RNF11: variants seen among roughly 807,000 people sequenced by gnomAD.
RNF11 encodes the protein ring finger protein 11.
In RNF11, 4 loss-of-function variants were observed where a neutral mutation model predicts 15.8. The ratio of observed to expected loss-of-function variants is 0.25; its 90% confidence interval spans 0.12 to 0.58. The LOEUF (loss-of-function observed/expected upper bound fraction) is 0.58. Ranked by LOEUF, RNF11 falls within the 20% of genes least tolerant of loss-of-function variation. The probability of loss-of-function intolerance (pLI) is 0.91; values close to 1 mark genes in which losing one functional copy is unlikely to be tolerated. For missense variants in RNF11, 139 were observed against 194.4 expected (o/e 0.71, Z 1.70); for synonymous variants, 68 against 72.3 (o/e 0.94, Z 0.30).
chr1:51,241,744 C>G (rs139410520), intron 1 of RNF11, among the ~76,000 whole-genome samples: 1 of 152,262 alleles, frequency 6.6e-6, no homozygotes, highest in African/African-American at 2.4e-5. Flanking sequence ...CAGAGGAAAT[C>G]TGCCCAGCGA....
intron 1 of RNF11, among the ~76,000 whole-genome samples, chr1:51,260,731 C>G (rs1646927324): frequency 1.3e-5 from 2 of 151,922 alleles, no homozygotes; most frequent in South Asian, 4.1e-4. Flanking sequence ...TGTGTCTGCC[C>G]TTAAACTACC....
At chr1:51,249,043 T>C (rs1044219230) in intron 1 of RNF11, among the ~76,000 whole-genome samples, 1 of 152,210 alleles carries the variant, frequency 6.6e-6, no homozygotes, top group Non-Finnish European at 1.5e-5. Context: ...TGTGCAAATA[T>C]GCCATTTTAT....
intron 1 of RNF11, among the ~76,000 whole-genome samples, chr1:51,241,452 G>C (rs1646829193): frequency 6.6e-6 from 1 of 152,146 alleles, no homozygotes; most frequent in Non-Finnish European, 1.5e-5. Flanking sequence ...TTGTAGATCA[G>C]TTTTAAGGAA....
chr1:51,255,955 G>T (rs964979532), intron 1 of RNF11, among the ~76,000 whole-genome samples: 2 of 151,994 alleles, frequency 1.3e-5, no homozygotes, highest in African/African-American at 4.8e-5. Context: ...TTAGTCCCTT[G>T]TATTTCCATG....
In RNF11 at chr1:51,272,638, T is replaced by C. The variant is rs1452265268; in HGVS notation, c.*1316T>C. 1 of 152,306 alleles carries C rather than the reference T, an allele frequency of 6.6e-6. No individual in the cohort carries two copies. The highest frequency in any genetic ancestry group is 1.5e-5 in the Non-Finnish European group (1 of 68,000). 9.4% of individuals were successfully genotyped at this position (152,306 alleles called of 1,614,324 possible). A position where few individuals can be genotyped will look rare whatever the true frequency, so the allele number is the denominator to read the frequency against. On this transcript the variant is annotated 3_prime_UTR_variant, in exon 3 of 3. Coordinates refer to ENST00000242719, the MANE Select transcript of RNF11 (RefSeq NM_014372.5). The stretch of plus-strand genomic sequence containing the variant: ...TGGTCTAGTAAAGATGTAGTAGTAA[T>C]GTTTTATCCATTTAGCATGTGTTTA...
intron 1 of RNF11, among the ~76,000 whole-genome samples, chr1:51,249,543 C>G (rs1646867571): frequency 6.6e-6 from 1 of 152,196 alleles, no homozygotes; most frequent in African/African-American, 2.4e-5. Context: ...CTTATGACCT[C>G]CTATCACCCA....
intron 2 of RNF11, 30 bp from the exon 3 acceptor site, chr1:51,271,121 C>T (rs1247618848): frequency 4.4e-6 from 7 of 1,594,584 alleles, no homozygotes; most frequent in Non-Finnish European, 6.0e-6. Context: ...CTGAAAATGC[C>T]TTCTGATTTC....
At position 51,270,122 on chromosome 1, in the gene RNF11, G is replaced by C; in HGVS notation, c.290G>C (p.Arg97Pro). 6.3e-7 allele frequency: 1 copy of C among 1,586,880 alleles called. No individual in the cohort carries two copies. The highest frequency in any genetic ancestry group is 8.5e-7 in the Non-Finnish European group (1 of 1,171,996). The change falls in exon 2 of 3, where the codon CGG becomes CCG. Residue 97 changes from arginine (R) to proline (P), a missense_variant. Arg to Pro is a moderately radical substitution (Grantham distance 103, BLOSUM62 -2). Coordinates refer to ENST00000242719, the MANE Select transcript of RNF11 (RefSeq NM_014372.5). ...PGRDGSEKKI[R>P]ECVICMMDFV... ...AGAGATGGATCAGAAAAAAAGATCC[G>C]GGAGTAAGTTTTAATTAATTTGTAC...
Position 51,251,008 on chromosome 1 carries a change from C to T in RNF11, c.123+14129C>T, listed in dbSNP as rs571908552. On this transcript the variant is annotated intron_variant, in intron 1 of 2. Coordinates refer to ENST00000242719, the MANE Select transcript of RNF11 (RefSeq NM_014372.5). ...CGCACGGGGACAATGGAGAGCTTGG[C>T]CAGGATGATGGCCCCATGGATGGCG... The T allele has an allele frequency of 2.5e-4, 359 of 1,435,570 alleles. No individual in the cohort carries two copies. The African/African-American group carries it at 4.4e-3, about 17-fold the overall frequency. The allele number at this position is 1,435,570 out of a possible 1,614,324, so 88.9% of individuals were successfully genotyped here.
At chr1:51,249,019 G>C (rs769635469) in intron 1 of RNF11, among the ~76,000 whole-genome samples, 1 of 152,168 alleles carries the variant, frequency 6.6e-6, no homozygotes, top group Non-Finnish European at 1.5e-5. Context: ...GTATATGGGA[G>C]GGTGTACAGG....
chr1:51,257,614 T>C (rs1446087821), intron 1 of RNF11, among the ~76,000 whole-genome samples: 7 of 151,916 alleles, frequency 4.6e-5, no homozygotes, highest in Non-Finnish European at 1.5e-5. Context: ...TACACCACCA[T>C]GCCCGACTAA....
intron 1 of RNF11, among the ~76,000 whole-genome samples, chr1:51,254,468 AT>A (rs1376013431): frequency 1.3e-5 from 2 of 150,334 alleles, no homozygotes. Context: ...TGTATTTTTA[AT>A]TTTTTTTTGA....
At chr1:51,269,903 C>T in intron 1 of RNF11, 53 bp from the exon 2 acceptor site, 2 of 1,502,246 alleles carry the variant, frequency 1.3e-6, no homozygotes, top group South Asian at 1.2e-5. Flanking sequence ...AAAAATAAGC[C>T]CTCGAAAGGT....
chr1:51,271,960 A>G lies in RNF11; in HGVS notation c.*638A>G, dbSNP rs1329973261. On this transcript the variant is annotated 3_prime_UTR_variant, in exon 3 of 3. Coordinates refer to ENST00000242719, the MANE Select transcript of RNF11 (RefSeq NM_014372.5). ...GCTATATTCTGTTTGCAGTTAGGAA[A>G]TGCAGAATTCAAAGTGATCTCCTAG... 1.3e-5 allele frequency: 2 copies of G among 152,638 alleles called. No homozygotes were observed. The highest frequency in any genetic ancestry group is 2.9e-5 in the Non-Finnish European group (2 of 68,042). 9.5% of individuals were successfully genotyped at this position (152,638 alleles called of 1,614,324 possible). A position where few individuals can be genotyped will look rare whatever the true frequency, so the allele number is the denominator to read the frequency against.
At chr1:51,250,056 C>T (rs556975122) in intron 1 of RNF11, among the ~76,000 whole-genome samples, 3 of 152,174 alleles carry the variant, frequency 2.0e-5, no homozygotes, top group Non-Finnish European at 4.4e-5. Context: ...CAAGTGGTTG[C>T]ACTAATTTTC....
chr1:51,263,953 G>A (rs1489836932), intron 1 of RNF11, among the ~76,000 whole-genome samples: 5 of 152,126 alleles, frequency 3.3e-5, no homozygotes, highest in Middle Eastern at 3.4e-3. Flanking sequence ...TTTCCTCAGT[G>A]CTGAGATGTG....
At chr1:51,251,231 GAGATAGA>G (rs1646876091) in intron 1 of RNF11, 1 of 1,334,574 alleles carries the variant, frequency 7.5e-7, no homozygotes, top group Non-Finnish European at 1.1e-6. Context: ...GCAGGGAGAA[GAGATAGA>G]TCTCCTCCAG....
chr1:51,243,631 G>A (rs989670007), intron 1 of RNF11, among the ~76,000 whole-genome samples: 2 of 152,064 alleles, frequency 1.3e-5, no homozygotes, highest in African/African-American at 4.8e-5. Flanking sequence ...TAGAAATGGG[G>A]TTTCACCATA....
chr1:51,257,853 C>CTTTTTTTTTTTTTTTTTTTTTTTTTTTT (rs1245365473), intron 1 of RNF11, among the ~76,000 whole-genome samples: 4 of 91,266 alleles, frequency 4.4e-5, no homozygotes, highest in African/African-American at 1.9e-4. Flanking sequence ...CTTTTCTTTT[C>CTTTTTTTTTTTTTTTTTTTTTTTTTTTT]TTTTTTTTTT....
Sources: allele counts gnomAD v4.1 joint callset (sites outside exome capture counted in the v4.1 genomes callset), GRCh38; gene constraint gnomAD v4.1.1; transcripts MANE v1.5; gene names NCBI Gene and HGNC (gene_info 2026-07-23, HGNC 2026-07-21).